ACTR3C: variants seen among roughly 807,000 people sequenced by gnomAD.
ACTR3C encodes the protein actin related protein 3C.
A neutral mutation model predicts 26.3 loss-of-function variants in ACTR3C; 18 were observed. That is an observed-to-expected ratio of 0.68 (90% confidence interval 0.47 to 1.01). The LOEUF (loss-of-function observed/expected upper bound fraction) is 1.01. Ranked by LOEUF, ACTR3C falls within the 50% of genes least tolerant of loss-of-function variation. ACTR3C has a pLI of 0.00. For synonymous variants in ACTR3C, 55 were observed against 94.5 expected (o/e 0.58, Z 2.42); for missense variants, 184 against 250.7 (o/e 0.73, Z 1.80).
chr7:150,308,737 C>T (rs1796028043), intron 1 of ACTR3C, among the ~76,000 whole-genome samples: 1 of 152,096 alleles, frequency 6.6e-6, no homozygotes. Flanking sequence ...TATCACCTCC[C>T]CTCCTCACAC....
chr7:150,140,082 G>C, the ACTR3C span, among the ~76,000 whole-genome samples: 3 of 152,144 alleles, frequency 2.0e-5, no homozygotes, highest in Non-Finnish European at 4.4e-5. Flanking sequence ...ACACAGACAG[G>C]CTGCTAAGCT....
the ACTR3C span, among the ~76,000 whole-genome samples, chr7:149,990,250 C>A: frequency 6.6e-6 from 1 of 151,298 alleles, no homozygotes; most frequent in Admixed American, 6.6e-5. Context: ...CCCACGTGCA[C>A]CCCCACCCAT....
chr7:150,086,301 T>G, the ACTR3C span, among the ~76,000 whole-genome samples: 1 of 152,238 alleles, frequency 6.6e-6, no homozygotes, highest in Non-Finnish European at 1.5e-5. Context: ...ACCAGAACAA[T>G]GAGGTAGTGA....
the ACTR3C span, among the ~76,000 whole-genome samples, chr7:150,167,070 C>T: frequency 3.9e-3 from 576 of 146,184 alleles, 35 homozygotes; most frequent in African/African-American, 0.015. Flanking sequence ...TTAATGGACA[C>T]TTAGGTTGAT....
chr7:150,041,736 G>A, the ACTR3C span, among the ~76,000 whole-genome samples: 2 of 141,486 alleles, frequency 1.4e-5, no homozygotes, highest in Non-Finnish European at 3.1e-5. Context: ...CCTGCGATGG[G>A]GGTCCTAAGA....
the ACTR3C span, chr7:150,001,872 G>T: frequency 6.6e-6 from 1 of 151,990 alleles, no homozygotes; most frequent in Non-Finnish European, 1.5e-5. Flanking sequence ...AGTAGAAAGG[G>T]AGGCAAGAGC....
At chr7:150,267,482 C>T (rs896120492) in intron 6 of ACTR3C, among the ~76,000 whole-genome samples, 3 of 152,208 alleles carry the variant, frequency 2.0e-5, no homozygotes, top group Non-Finnish European at 4.4e-5. Context: ...CAGTAGCCAC[C>T]TTAGTGGTCA....
At chr7:149,895,864 A>T in the ACTR3C span, among the ~76,000 whole-genome samples, 71,610 of 151,192 alleles carry the variant, frequency 0.47, 17,884 homozygotes, top group South Asian at 0.71. Context: ...AATTAAAAAA[A>T]TTTTTAAAAT....
the ACTR3C span, among the ~76,000 whole-genome samples, chr7:150,236,389 T>C: frequency 6.6e-6 from 1 of 152,210 alleles, no homozygotes; most frequent in African/African-American, 2.4e-5. Flanking sequence ...AAGTACATAA[T>C]TGACACCTTG....
At chr7:150,126,517 G>T in the ACTR3C span, among the ~76,000 whole-genome samples, 2 of 152,204 alleles carry the variant, frequency 1.3e-5, no homozygotes, top group Non-Finnish European at 2.9e-5. Context: ...TGCAGAGCAA[G>T]ATGAAGCATG....
At chr7:150,319,123 C>T (rs774259375) in intron 1 of ACTR3C, among the ~76,000 whole-genome samples, 2 of 152,146 alleles carry the variant, frequency 1.3e-5, no homozygotes, top group South Asian at 2.1e-4. Flanking sequence ...TTAAAGTGTA[C>T]ACTCTACTGG....
the ACTR3C span, among the ~76,000 whole-genome samples, chr7:150,050,824 T>C: frequency 1.3e-5 from 2 of 151,718 alleles, no homozygotes; most frequent in African/African-American, 2.4e-5. Flanking sequence ...AAGAATGTTC[T>C]GGCCGGGCGC....
At chr7:149,941,547 AT>A in the ACTR3C span, among the ~76,000 whole-genome samples, 1 of 152,268 alleles carries the variant, frequency 6.6e-6, no homozygotes, top group Admixed American at 6.5e-5. Flanking sequence ...GCTCCTGACT[AT>A]TTCTCTGAAG....
chr7:150,133,577 C>T, the ACTR3C span, among the ~76,000 whole-genome samples: 5 of 152,168 alleles, frequency 3.3e-5, no homozygotes, highest in East Asian at 5.8e-4. Flanking sequence ...AACTGCAAAT[C>T]TAAACACAAG....
At chr7:150,287,047 G>A (rs1222120973) in intron 4 of ACTR3C, among the ~76,000 whole-genome samples, 1 of 152,164 alleles carries the variant, frequency 6.6e-6, no homozygotes, top group Non-Finnish European at 1.5e-5. Context: ...CTGTCAACCT[G>A]CTGGTTGTTA....
At chr7:150,025,719 T>C in the ACTR3C span, among the ~76,000 whole-genome samples, 6 of 152,132 alleles carry the variant, frequency 3.9e-5, no homozygotes, top group South Asian at 8.3e-4. Flanking sequence ...TGCCGAAGCC[T>C]TGATAATTAT....
chr7:150,125,564 A>AT, the ACTR3C span, among the ~76,000 whole-genome samples: 45 of 142,482 alleles, frequency 3.2e-4, no homozygotes, highest in South Asian at 4.5e-3. Context: ...AAGTGAAATA[A>AT]TTTTTTTTTT....
the ACTR3C span, among the ~76,000 whole-genome samples, chr7:150,037,468 C>A: frequency 7.5e-4 from 39 of 51,680 alleles, 7 homozygotes; most frequent in African/African-American, 2.1e-3. Flanking sequence ...TGCCTCCCCC[C>A]CCTGCGATGG....
chr7:150,223,477 T>G, the ACTR3C span, among the ~76,000 whole-genome samples: 2 of 140,758 alleles, frequency 1.4e-5, no homozygotes, highest in East Asian at 2.0e-4. Context: ...ATGCAGGGTT[T>G]TTTTGTTTGT....
Sources: gnomAD v4.1 joint callset for allele counts (sites outside exome capture counted in the v4.1 genomes callset) on GRCh38, gnomAD v4.1.1 for gene constraint, MANE v1.5 for transcripts, NCBI Gene and HGNC (gene_info 2026-07-23, HGNC 2026-07-21) for gene names.